The following IL1RAPL1 variants were observed in gnomAD, a reference collection of about 807,000 sequenced individuals.
IL1RAPL1 encodes interleukin 1 receptor accessory protein like 1.
Under a neutral mutation model 48.4 loss-of-function variants are expected in IL1RAPL1, and 3 were observed. The observed-to-expected ratio is 0.06, with a 90% CI of 0.03 to 0.16. The LOEUF is 0.16. IL1RAPL1 is among the 10% of genes least tolerant of loss of function. The pLI is 1.00. For missense variants in IL1RAPL1, 349 were observed against 530.6 expected (o/e 0.66, Z 3.36); for synonymous variants, 185 against 187.7 (o/e 0.99, Z 0.12).
At chrX:29,264,039 A>G (rs1004757351) in intron 2 of IL1RAPL1, among the ~76,000 whole-genome samples, 4 of 111,152 alleles carry the variant, frequency 3.6e-5, no homozygotes, top group African/African-American at 9.8e-5. Context: ...CATATGGGCT[A>G]AGTTCACTTT....
At chrX:29,858,128 G>A (rs1413512277) in intron 6 of IL1RAPL1, among the ~76,000 whole-genome samples, 2 of 111,128 alleles carry the variant, frequency 1.8e-5, no homozygotes, top group Non-Finnish European at 3.8e-5. Context: ...CAACCTCCTG[G>A]TGTTCCAAAT....
At chrX:28,847,591 C>T (rs888041599) in intron 2 of IL1RAPL1, among the ~76,000 whole-genome samples, 1 of 111,020 alleles carries the variant, frequency 9.0e-6, no homozygotes, top group Non-Finnish European at 1.9e-5. Flanking sequence ...TGCTCGACTC[C>T]AGGGCACAAG....
chrX:28,726,476 A>G (rs747914351), intron 1 of IL1RAPL1, among the ~76,000 whole-genome samples: 8 of 112,445 alleles, frequency 7.1e-5, no homozygotes, highest in Non-Finnish European at 1.3e-4. Flanking sequence ...CATTCAACCA[A>G]TATTTTTGTA....
At chrX:29,788,169 T>C (rs947207922) in intron 6 of IL1RAPL1, among the ~76,000 whole-genome samples, 7 of 111,595 alleles carry the variant, frequency 6.3e-5, no homozygotes, top group Admixed American at 1.9e-4. Context: ...AATCTGCATT[T>C]ATTCAGAAAC....
intron 3 of IL1RAPL1, among the ~76,000 whole-genome samples, chrX:29,319,616 A>C (rs1044319396): frequency 9.3e-6 from 1 of 107,079 alleles, no homozygotes; most frequent in Non-Finnish European, 1.9e-5. Context: ...AGTTTTCGAA[A>C]TGTTGTCTCT....
intron 6 of IL1RAPL1, among the ~76,000 whole-genome samples, chrX:29,780,094 C>T (rs773236539): frequency 9.0e-5 from 10 of 111,324 alleles, no homozygotes; most frequent in Non-Finnish European, 1.5e-4. Context: ...AAAATCTACA[C>T]GGATCCCCCT....
At chrX:29,685,814 G>A (rs1256750307) in intron 6 of IL1RAPL1, among the ~76,000 whole-genome samples, 4 of 107,405 alleles carry the variant, frequency 3.7e-5, no homozygotes, top group Non-Finnish European at 5.7e-5. Flanking sequence ...CTGAAACCCC[G>A]TCTCTACTAA....
At chrX:28,976,623 C>G (rs1396816287) in intron 2 of IL1RAPL1, among the ~76,000 whole-genome samples, 1 of 111,137 alleles carries the variant, frequency 9.0e-6, no homozygotes, top group East Asian at 2.8e-4. Context: ...AGGAATCATT[C>G]CAGGAAAGAT....
chrX:29,078,739 G>A (rs1285757328), intron 2 of IL1RAPL1, among the ~76,000 whole-genome samples: 1 of 111,650 alleles, frequency 9.0e-6, no homozygotes. Context: ...AAGGGAAAGG[G>A]AAACTCTATA....
chrX:29,436,472 T>C (rs1168501205), intron 5 of IL1RAPL1, among the ~76,000 whole-genome samples: 1 of 110,040 alleles, frequency 9.1e-6, no homozygotes, highest in African/African-American at 3.3e-5. Context: ...TTAAATTGTA[T>C]TTGCTAAAGT....
chrX:29,568,757 G>T (rs761533410), intron 5 of IL1RAPL1, among the ~76,000 whole-genome samples: 2 of 111,250 alleles, frequency 1.8e-5, no homozygotes, highest in Admixed American at 9.5e-5. Context: ...AGAGAGAATA[G>T]GATTTTTATA....
intron 2 of IL1RAPL1, among the ~76,000 whole-genome samples, chrX:29,057,055 G>C (rs1040078563): frequency 2.7e-5 from 3 of 111,499 alleles, no homozygotes; most frequent in Admixed American, 9.5e-5. Flanking sequence ...TTCTATCCTC[G>C]CAGCGGTGTG....
At chrX:29,840,459 A>C (rs1569183288) in intron 6 of IL1RAPL1, among the ~76,000 whole-genome samples, 2 of 112,293 alleles carry the variant, frequency 1.8e-5, no homozygotes, top group South Asian at 7.4e-4. Context: ...GATAGAAATG[A>C]AAACCCATTT....
intron 1 of IL1RAPL1, among the ~76,000 whole-genome samples, chrX:28,743,311 A>G (rs1935934029): frequency 9.0e-6 from 1 of 111,458 alleles, no homozygotes; most frequent in African/African-American, 3.3e-5. Context: ...TTATCACTTC[A>G]ATTTATCTAA....
intron 2 of IL1RAPL1, among the ~76,000 whole-genome samples, chrX:29,126,995 A>G (rs1288088333): frequency 9.0e-6 from 1 of 111,500 alleles, no homozygotes; most frequent in African/African-American, 3.3e-5. Flanking sequence ...AGATCAACTT[A>G]ATCTCTAGTA....
At chrX:28,651,342 C>A (rs1005239122) in intron 1 of IL1RAPL1, among the ~76,000 whole-genome samples, 1 of 112,199 alleles carries the variant, frequency 8.9e-6, no homozygotes, top group Non-Finnish European at 1.9e-5. Context: ...CACAGCCACA[C>A]CCATTTGTTT....
At chrX:28,655,768 C>CT (rs905127924) in intron 1 of IL1RAPL1, among the ~76,000 whole-genome samples, 2 of 111,504 alleles carry the variant, frequency 1.8e-5, no homozygotes, top group African/African-American at 3.3e-5. Flanking sequence ...TTTAAACATT[C>CT]TTTTTTAGTA....
chrX:29,028,901 G>A (rs1048045256), intron 2 of IL1RAPL1, among the ~76,000 whole-genome samples: 5 of 110,847 alleles, frequency 4.5e-5, no homozygotes, highest in Non-Finnish European at 9.4e-5. Flanking sequence ...AGGATAGTGG[G>A]TGTATTCATC....
At chrX:28,592,502 G>A (rs967533158) in intron 1 of IL1RAPL1, among the ~76,000 whole-genome samples, 1 of 111,625 alleles carries the variant, frequency 9.0e-6, no homozygotes, top group African/African-American at 3.3e-5. Context: ...TCTTTAGGGG[G>A]AGGCAATCCC....
Sources: allele counts gnomAD v4.1 joint callset (sites outside exome capture counted in the v4.1 genomes callset), GRCh38; gene constraint gnomAD v4.1.1; transcripts MANE v1.5; gene names NCBI Gene and HGNC (gene_info 2026-07-23, HGNC 2026-07-21).